Variants in ATP2C1 observed in about 807,000 individuals in gnomAD.
ATP2C1 encodes calcium-transporting ATPase type 2C member 1.
In ATP2C1, 31 loss-of-function variants were observed where a neutral mutation model predicts 120.5. The ratio of observed to expected loss-of-function variants is 0.26; its 90% CI spans 0.19 to 0.35. The LOEUF is 0.35. Ranked by LOEUF, ATP2C1 falls within the 10% of genes least tolerant of loss-of-function variation. The pLI is 1.00. For missense variants in ATP2C1, 731 were observed against 1,107.5 expected (o/e 0.66, Z 4.83); for synonymous variants, 351 against 358.7 (o/e 0.98, Z 0.24).
intron 26 of ATP2C1, chr3:131,014,392 T>A (rs1459668779): frequency 6.4e-7 from 1 of 1,556,144 alleles, no homozygotes; most frequent in Admixed American, 2.1e-5. Context: ...TACAGTCTGT[T>A]CAAAGCAAGA....
intron 7 of ATP2C1, among the ~76,000 whole-genome samples, chr3:130,940,907 T>A (rs1344658127): frequency 2.5e-5 from 3 of 119,980 alleles, no homozygotes; most frequent in Non-Finnish European, 3.4e-5. Flanking sequence ...TTTAACAGAT[T>A]TTTTTTTTTT....
chr3:130,989,858 T>G (rs2062233573), intron 20 of ATP2C1, among the ~76,000 whole-genome samples: 1 of 152,240 alleles, frequency 6.6e-6, no homozygotes, highest in South Asian at 2.1e-4. Flanking sequence ...CTGCAGTAAT[T>G]AGAGTTTTCA....
At chr3:130,899,145 C>T (rs1181934167) in intron 2 of ATP2C1, among the ~76,000 whole-genome samples, 1 of 152,090 alleles carries the variant, frequency 6.6e-6, no homozygotes, top group Non-Finnish European at 1.5e-5. Flanking sequence ...ATAATTTCCT[C>T]TTGGATGTAT....
chr3:130,995,014 A>T (rs765064945), intron 22 of ATP2C1, among the ~76,000 whole-genome samples: 1 of 152,198 alleles, frequency 6.6e-6, no homozygotes, highest in Non-Finnish European at 1.5e-5. Flanking sequence ...CTTAAATTCT[A>T]TAATTCCTAT....
At chr3:130,956,066 T>C (rs1397251884) in intron 10 of ATP2C1, 38 bp from the exon 11 acceptor site, 1 of 1,388,064 alleles carries the variant, frequency 7.2e-7, no homozygotes, top group Non-Finnish European at 1.0e-6. Flanking sequence ...TTAGTAAATA[T>C]AGCTAATTGT....
chr3:130,903,763 T>C (rs1193461836), intron 2 of ATP2C1, among the ~76,000 whole-genome samples: 1 of 148,628 alleles, frequency 6.7e-6, no homozygotes, highest in African/African-American at 2.6e-5. Flanking sequence ...AGTAAAATAA[T>C]TGTTGCTCAC....
intron 2 of ATP2C1, among the ~76,000 whole-genome samples, chr3:130,898,898 C>T (rs1013623144): frequency 6.6e-6 from 1 of 152,176 alleles, no homozygotes; most frequent in Non-Finnish European, 1.5e-5. Context: ...TTTTAAATTA[C>T]ACCGTTGTTA....
intron 3 of ATP2C1, 102 bp from the exon 4 acceptor site, chr3:130,931,920 G>A (rs2059467956): frequency 2.6e-6 from 2 of 780,016 alleles, no homozygotes; most frequent in African/African-American, 1.7e-5. Context: ...TTTGACTGTT[G>A]TAGTTTCTGT....
chr3:130,920,402 T>C, intron 2 of ATP2C1, among the ~76,000 whole-genome samples: 1 of 152,192 alleles, frequency 6.6e-6, no homozygotes, highest in South Asian at 2.1e-4. Context: ...GGTTTTTACA[T>C]GTAGATATGA....
chr3:130,927,879 G>C (rs1315526678), intron 2 of ATP2C1: 1 of 154,250 alleles, frequency 6.5e-6, no homozygotes, highest in East Asian at 1.9e-4. Context: ...AAAGATGACA[G>C]ACTCTTGTCA....
rs3836421 is a variant in ATP2C1 at position 130,917,975 on chromosome 3, C to CT, written c.7-12431dup. ...CATGTTGTGCCATTTTGTAGAATTT[C>CT]TTTTTTTTTTCAAGCTGAAGTTTTA... On this transcript the variant is annotated intron_variant, in intron 2 of 27. Coordinates refer to ENST00000510168, the MANE Select transcript of ATP2C1 (RefSeq NM_001378687.1). Among the ~76,000 whole-genome samples the CT allele has an allele frequency of 0.012, 1,808 of 146,018 alleles. 137 individuals carry two copies. The East Asian group carries it at 0.22, about 18-fold the overall frequency.
At chr3:130,949,403 G>A (rs58016456) in intron 8 of ATP2C1, among the ~76,000 whole-genome samples, 4,103 of 152,240 alleles carry the variant, frequency 0.027, 188 homozygotes, top group African/African-American at 0.093. Flanking sequence ...CTTCAGTTCT[G>A]TGAAGGCCGA....
chr3:130,894,117 G>C lies in ATP2C1; in HGVS notation c.-401G>C. On this transcript the variant is annotated 5_prime_UTR_variant, in exon 1 of 28. Coordinates refer to ENST00000510168, the MANE Select transcript of ATP2C1 (RefSeq NM_001378687.1). The surrounding 1 kb of genome is among the most constrained non-coding windows in gnomAD (Gnocchi z 4.5). Reference sequence around the variant, plus strand: ...ACGGCCTCGCGGAGCCGGCCCGGCGGACCGTGACGGGTCCCCTCACCTCCT... The same window carrying C: ...ACGGCCTCGCGGAGCCGGCCCGGCGCACCGTGACGGGTCCCCTCACCTCCT... 1.0e-6 allele frequency: 1 copy of C among 971,096 alleles called. No individual in the cohort carries two copies. Among genetic ancestry groups the C allele is most frequent in the Non-Finnish European group, 1.2e-6 (1 of 816,912 alleles). The allele number at this position is 971,096 out of a possible 1,614,324, so 60.2% of individuals were successfully genotyped here.
chr3:130,872,179 G>C (rs768868370), intron 1 of ATP2C1, among the ~76,000 whole-genome samples: 10 of 152,098 alleles, frequency 6.6e-5, no homozygotes, highest in Non-Finnish European at 1.5e-4. Flanking sequence ...TATACAAAAA[G>C]ATATAATCCT....
downstream of ATP2C1, among the ~76,000 whole-genome samples, chr3:131,005,327 A>G (rs535268574): frequency 1.3e-5 from 2 of 152,124 alleles, no homozygotes; most frequent in Admixed American, 1.3e-4. Context: ...CATATTACCC[A>G]GGCTGGTCTC....
In ATP2C1 at chr3:130,894,478, A is replaced by C; in HGVS notation, c.-180-112A>C. 2 of 1,358,550 alleles carry C rather than the reference A, an allele frequency of 1.5e-6. No individual in the cohort carries two copies. The highest frequency in any genetic ancestry group is 1.9e-6 in the Non-Finnish European group (2 of 1,052,974). 84.2% of individuals were successfully genotyped at this position (1,358,550 alleles called of 1,614,324 possible). A position where few individuals can be genotyped will look rare whatever the true frequency, so the allele number is the denominator to read the frequency against. ...CGTGAGCTGGGGACGTTGCGGGCAC[A>C]CGACGGGGCGGGTGCGGGATCTTGG... On this transcript the variant is annotated intron_variant, in intron 1 of 27. Transcript: ENST00000510168. This position sits in a 1 kb window ranked among gnomAD's most constrained non-coding sequence, Gnocchi z 4.5.
At chr3:130,974,328 T>A (rs1463946322) in intron 17 of ATP2C1, among the ~76,000 whole-genome samples, 2 of 152,200 alleles carry the variant, frequency 1.3e-5, no homozygotes, top group Non-Finnish European at 2.9e-5. Context: ...ATCTGCTCAT[T>A]GTAGTTACTT....
chr3:130,960,912 A>C (rs1433938938), intron 12 of ATP2C1, among the ~76,000 whole-genome samples: 1 of 152,172 alleles, frequency 6.6e-6, no homozygotes, highest in Non-Finnish European at 1.5e-5. Context: ...TTACTTAGGC[A>C]TCTAAGAAAA....
intron 12 of ATP2C1, among the ~76,000 whole-genome samples, chr3:130,961,858 G>A (rs1371945249): frequency 4.6e-5 from 7 of 151,990 alleles, no homozygotes; most frequent in South Asian, 2.1e-4. Flanking sequence ...ACTGTAGGCC[G>A]TAATGATGTG....
Sources: allele counts gnomAD v4.1 joint callset (sites outside exome capture counted in the v4.1 genomes callset), GRCh38; gene constraint gnomAD v4.1.1; non-coding constraint Gnocchi (gnomAD v3.1); transcripts MANE v1.5; gene names NCBI Gene and HGNC (gene_info 2026-07-23, HGNC 2026-07-21).